SLC5A12: variants seen among roughly 807,000 people sequenced by gnomAD.
SLC5A12 encodes the protein sodium-coupled monocarboxylate transporter 2.
In SLC5A12, 46 loss-of-function variants were observed where a neutral mutation model predicts 72.7. The observed-to-expected ratio is 0.63, with a 90% CI of 0.50 to 0.81. The LOEUF is 0.81. Among genes scored for constraint, SLC5A12 ranks in the 30% least tolerant of loss-of-function variants. SLC5A12 has a pLI of 0.00. For synonymous variants in SLC5A12, 275 were observed against 264.4 expected, an observed-to-expected ratio of 1.04 and a Z score of -0.39; for missense variants, 683 against 740.7, an observed-to-expected ratio of 0.92 and a Z score of 0.90.
intron 14 of SLC5A12, among the ~76,000 whole-genome samples, chr11:26,672,787 A>G (rs1214963017): frequency 6.6e-6 from 1 of 151,948 alleles, no homozygotes; most frequent in Admixed American, 6.6e-5. Flanking sequence ...ATCTAAACAC[A>G]CTTCTTTTTC....
rs1316418309 is a variant in SLC5A12 at position 26,667,629 on chromosome 11, G to A, written c.*3473C>T. On this transcript the variant is annotated 3_prime_UTR_variant, in exon 15 of 15. Coordinates refer to ENST00000396005, the MANE Select transcript of SLC5A12 (RefSeq NM_178498.4). ...GCTGTTTATTTATCAAGGTTTACAT[G>A]TACAAAATAATAATAAATCATAGTA... 1 of 151,726 alleles carries A rather than the reference G, an allele frequency of 6.6e-6. No individual in the cohort carries two copies. The highest frequency in any genetic ancestry group is 6.6e-5 in the Admixed American group (1 of 15,194). 9.4% of individuals were successfully genotyped at this position (151,726 alleles called of 1,614,324 possible). A position where few individuals can be genotyped will look rare whatever the true frequency, so the allele number is the denominator to read the frequency against.
intron 2 of SLC5A12, among the ~76,000 whole-genome samples, chr11:26,712,003 T>G (rs983487330): frequency 1.1e-4 from 16 of 152,112 alleles, no homozygotes; most frequent in African/African-American, 3.4e-4. Context: ...GAGCATTGTT[T>G]TCCTCCATTT....
intron 11 of SLC5A12, among the ~76,000 whole-genome samples, chr11:26,681,930 C>T (rs755730165): frequency 1.3e-5 from 2 of 151,834 alleles, no homozygotes; most frequent in African/African-American, 2.4e-5. Context: ...ATAGAAGAGG[C>T]CTTGGTAAGA....
intron 8 of SLC5A12, among the ~76,000 whole-genome samples, chr11:26,693,062 G>T (rs1330186494): frequency 6.6e-6 from 1 of 152,146 alleles, no homozygotes; most frequent in East Asian, 1.9e-4. Context: ...GCATACAATG[G>T]TGAACCAGAA....
At chr11:26,683,391 G>T (rs1433164072) in intron 11 of SLC5A12, among the ~76,000 whole-genome samples, 1 of 152,010 alleles carries the variant, frequency 6.6e-6, no homozygotes, top group Non-Finnish European at 1.5e-5. Context: ...AAAACAATGA[G>T]ATTTACATTT....
chr11:26,720,307 T>C (rs976610831), intron 1 of SLC5A12, among the ~76,000 whole-genome samples: 1 of 138,826 alleles, frequency 7.2e-6, no homozygotes, highest in Non-Finnish European at 1.6e-5. Flanking sequence ...CTGGGAAACA[T>C]AGCAAAAGCC....
chr11:26,701,831 T>G (rs1854965096), intron 6 of SLC5A12, among the ~76,000 whole-genome samples: 1 of 152,150 alleles, frequency 6.6e-6, no homozygotes, highest in African/African-American at 2.4e-5. Context: ...TGTATATACA[T>G]ACACACAAGC....
At position 26,683,833 on chromosome 11, in the gene SLC5A12, C is replaced by T. The variant is rs751090328; in HGVS notation, c.1232G>A (p.Ser411Asn). Reference sequence around the variant, plus strand: ...TGGTCCTCCACACATGCCGTGAATGCTGAGGGAAGCCTGTGGAACAAAGGC... The same window carrying T: ...TGGTCCTCCACACATGCCGTGAATGTTGAGGGAAGCCTGTGGAACAAAGGC... ...VMGGVVQASLSIHGMCGGPML... is the reference protein window; with the variant it reads ...VMGGVVQASLNIHGMCGGPML... The change falls in exon 11 of 15, where the codon AGC (serine) becomes AAC (asparagine). Residue 411 changes from serine (S) to asparagine (N), a missense_variant. Transcript: ENST00000396005. The T allele has an allele frequency of 6.3e-7, 1 of 1,594,460 alleles. No individual in the cohort carries two copies.
rs1379509571 is a variant in SLC5A12, at chr11:26,667,140, A to G, written c.*3962T>C. The G allele has an allele frequency of 2.6e-5, 4 of 152,068 alleles. No homozygotes were observed. In the East Asian group the frequency reaches 7.7e-4, roughly 29 times the overall value. The allele number at this position is 152,068 out of a possible 1,614,324, so 9.4% of individuals were successfully genotyped here. ...AAAATAGGTTATACTACAAGATTAT[A>G]AATGCTAGATAAAAGCAGTTAACTC... On this transcript the variant is annotated 3_prime_UTR_variant, in exon 15 of 15. Transcript: ENST00000396005.
intron 1 of SLC5A12, among the ~76,000 whole-genome samples, chr11:26,714,881 T>C (rs10767574): frequency 0.81 from 123,857 of 152,006 alleles, 53,525 homozygotes; most frequent in Non-Finnish European, 0.96. Flanking sequence ...TATTTTCAGG[T>C]CCTCTCTTCA....
At chr11:26,696,238 T>C (rs1458882909) in intron 8 of SLC5A12, among the ~76,000 whole-genome samples, 1 of 152,222 alleles carries the variant, frequency 6.6e-6, no homozygotes, top group African/African-American at 2.4e-5. Flanking sequence ...TCAGTCTTGT[T>C]CTCTGCAGTA....
chr11:26,686,915 G>T (rs1332765919), intron 9 of SLC5A12, among the ~76,000 whole-genome samples: 1 of 152,136 alleles, frequency 6.6e-6, no homozygotes, highest in Non-Finnish European at 1.5e-5. Context: ...CTCCAGCAAG[G>T]AGCTGAAAAA....
intron 4 of SLC5A12, 127 bp downstream of exon 4, chr11:26,709,185 G>C (rs1415616661): frequency 1.2e-5 from 7 of 597,902 alleles, no homozygotes; most frequent in African/African-American, 1.8e-5. Flanking sequence ...TGACAGATAA[G>C]CCGACATACT....
chr11:26,690,767 A>T (rs1010486251), intron 9 of SLC5A12, among the ~76,000 whole-genome samples: 2 of 150,664 alleles, frequency 1.3e-5, no homozygotes, highest in African/African-American at 4.9e-5. Context: ...AGATCATGCC[A>T]TGGCCAACAA....
intron 1 of SLC5A12, 137 bp downstream of exon 1, chr11:26,721,239 T>G (rs2133231875): frequency 1.4e-6 from 1 of 709,406 alleles, no homozygotes; most frequent in South Asian, 2.1e-5. Context: ...AAGCTTAGGC[T>G]TTTTACAAAA....
rs145328439 is a variant in SLC5A12 at position 26,717,488 on chromosome 11, A to C, written c.339+3888T>G. Among the ~76,000 whole-genome samples, 4 of 152,310 alleles carry C rather than the reference A, an allele frequency of 2.6e-5. No individual in the cohort carries two copies. In the East Asian group the frequency reaches 7.7e-4, roughly 29 times the overall value. On this transcript the variant is annotated intron_variant, in intron 1 of 14. Coordinates refer to ENST00000396005, the MANE Select transcript of SLC5A12 (RefSeq NM_178498.4). The stretch of plus-strand genomic sequence containing the variant: ...AATTGAGATAATGAAAATATATGAT[A>C]TTGCAAACTAGCTAAGCCTAAATTA...
chr11:26,698,301 T>C (rs1854874865), intron 7 of SLC5A12, 105 bp downstream of exon 7: 2 of 1,414,318 alleles, frequency 1.4e-6, no homozygotes, highest in Admixed American at 2.3e-5. Flanking sequence ...GTTTGAGAAA[T>C]AGTGAGCAGT....
chr11:26,721,622 C>A lies in SLC5A12; in HGVS notation c.93G>T (p.Lys31Asn), dbSNP rs146233607. Residue 31 changes from lysine to asparagine, a missense_variant, in exon 1 of 15, where the codon AAG becomes AAT. Transcript: ENST00000396005. ...CTCGGGAAGTTGCCTTTTTTCTCTC[C>A]TTAATGGCAAAGAACACCCCAATTC... ...SSGIGVFFAIKERKKATSREF... is the reference protein window; with the variant it reads ...SSGIGVFFAINERKKATSREF... The A allele has an allele frequency of 3.4e-5, 55 of 1,614,024 alleles. No homozygotes were observed. Among genetic ancestry groups the A allele is most frequent in the Non-Finnish European group, 3.4e-5 (40 of 1,180,026 alleles).
chr11:26,686,661 C>T (rs969811778), intron 9 of SLC5A12, 117 bp from the exon 10 acceptor site: 32 of 809,510 alleles, frequency 4.0e-5, no homozygotes, highest in Admixed American at 6.4e-5. Context: ...GGGATCTCAG[C>T]GAGGACCATC....
Sources: allele counts gnomAD v4.1 joint callset (sites outside exome capture counted in the v4.1 genomes callset), GRCh38; gene constraint gnomAD v4.1.1; transcripts MANE v1.5; gene names NCBI Gene and HGNC (gene_info 2026-07-23, HGNC 2026-07-21).